The following LPIN2 variants were observed in gnomAD, a reference collection of about 807,000 sequenced individuals.
The protein encoded by LPIN2 is phosphatidate phosphatase LPIN2.
LPIN2 carries 55 observed loss-of-function variants against 111.4 expected under a neutral mutation model. The observed-to-expected ratio is 0.49, with a 90% CI of 0.40 to 0.62. The LOEUF (loss-of-function observed/expected upper bound fraction) is 0.62. Among genes scored for constraint, LPIN2 ranks in the 20% least tolerant of loss-of-function variants. The pLI is 0.00. For missense variants in LPIN2, 992 were observed against 1,112.1 expected (o/e 0.89, Z 1.54); for synonymous variants, 425 against 414.0 (o/e 1.03, Z -0.32).
chr18:2,951,223 A>G lies in LPIN2; in HGVS notation c.422T>C (p.Leu141Ser), dbSNP rs763550824. The G allele has an allele frequency of 1.3e-4, 207 of 1,614,076 alleles. 2 individuals carry two copies. In the South Asian group the frequency reaches 2.1e-3, roughly 16 times the overall value. Reference sequence around the variant, plus strand: ...TGGAGTAAAAATTGTCTCTGTTTCCAAGACGTGTGAGATGTCTGAACTCTG... The same window carrying G: ...TGGAGTAAAAATTGTCTCTGTTTCCGAGACGTGTGAGATGTCTGAACTCTG... Reference protein sequence around the residue: ...PSQSSDISHVLETETIFTPSS... With the variant: ...PSQSSDISHVSETETIFTPSS... The change falls in exon 4 of 20, where the codon TTG becomes TCG. Residue 141 changes from leucine to serine, a missense_variant. Coordinates refer to ENST00000677752, the MANE Select transcript of LPIN2 (RefSeq NM_001375808.2).
chr18:2,931,125 G>A (rs1321328758), intron 9 of LPIN2, 131 bp downstream of exon 9: 2 of 1,087,836 alleles, frequency 1.8e-6, no homozygotes, highest in Admixed American at 4.0e-5. Context: ...TGACATTACA[G>A]AACATACCTG....
At chr18:2,962,744 A>C (rs2077732430) in intron 1 of LPIN2, among the ~76,000 whole-genome samples, 1 of 152,204 alleles carries the variant, frequency 6.6e-6, no homozygotes, top group Non-Finnish European at 1.5e-5. Context: ...CACATGAATT[A>C]AACAGCATCC....
At chr18:2,938,631 G>A (rs1359666175) in intron 6 of LPIN2, among the ~76,000 whole-genome samples, 1 of 152,178 alleles carries the variant, frequency 6.6e-6, no homozygotes, top group East Asian at 1.9e-4. Flanking sequence ...CATTTTGGGG[G>A]AGAAAACTAA....
chr18:2,933,999 T>C (rs555642440), intron 8 of LPIN2, among the ~76,000 whole-genome samples: 1 of 152,332 alleles, frequency 6.6e-6, no homozygotes, highest in East Asian at 1.9e-4. Context: ...TAAAGATGTG[T>C]TTCTTTTAAA....
chr18:2,919,936 T>C lies in LPIN2; in HGVS notation c.*357A>G. 2.8e-6 allele frequency: 1 copy of C among 359,192 alleles called. No homozygotes were observed. The highest frequency in any genetic ancestry group is 5.4e-6 in the Non-Finnish European group (1 of 184,982). 22.3% of individuals were successfully genotyped at this position (359,192 alleles called of 1,614,324 possible). On this transcript the variant is annotated 3_prime_UTR_variant, in exon 20 of 20. Coordinates refer to ENST00000677752, the MANE Select transcript of LPIN2 (RefSeq NM_001375808.2). ...AACTGCCCAGTGGAAACTGGAACAC[T>C]TCACTGTGTGCAGTGTTTTGGTCCA...
rs1396688938 is a variant in LPIN2, at chr18:2,984,839, A to G, written c.-9-23990T>C. Among the ~76,000 whole-genome samples, 9 of 152,222 alleles carry G rather than the reference A, an allele frequency of 5.9e-5. No homozygotes were observed. In the East Asian group the frequency reaches 9.7e-4, roughly 16 times the overall value. ...TTCTGGTTCAGTGCTTTTTTGTGTTATGCCAAGCAGAGACCAAGAAAGAAC... is the reference window on the plus strand; with the variant it reads ...TTCTGGTTCAGTGCTTTTTTGTGTTGTGCCAAGCAGAGACCAAGAAAGAAC... On this transcript the variant is annotated intron_variant, in intron 1 of 19. Transcript: ENST00000677752.
In LPIN2 at chr18:2,925,205, C is replaced by T. The variant is rs763877901; in HGVS notation, c.1938+19G>A. On this transcript the variant is annotated intron_variant, in intron 14 of 19. Transcript: ENST00000677752. This position sits in a 1 kb window ranked among gnomAD's most constrained non-coding sequence, Gnocchi z 4.1. Reference sequence around the variant, plus strand: ...CTAAAATAAGTCCTACTGGACAACACAGATCATGCAAGACTCACGATCTGG... The same window carrying T: ...CTAAAATAAGTCCTACTGGACAACATAGATCATGCAAGACTCACGATCTGG... 4 of 1,614,154 alleles carry T rather than the reference C, an allele frequency of 2.5e-6. No individual in the cohort carries two copies. Among genetic ancestry groups the T allele is most frequent in the East Asian group, 2.2e-5 (1 of 44,880 alleles).
intron 17 of LPIN2, 85 bp downstream of exon 17, chr18:2,921,962 C>T (rs2077060538): frequency 2.7e-6 from 4 of 1,500,942 alleles, no homozygotes; most frequent in South Asian, 1.3e-5. Flanking sequence ...CATCTGACTT[C>T]TGTTCCCACA....
At chr18:2,938,096 T>C in intron 6 of LPIN2, 59 bp from the exon 7 acceptor site, 1 of 1,306,224 alleles carries the variant, frequency 7.7e-7, no homozygotes. Flanking sequence ...TTATAATCTA[T>C]TTCCTAAGCT....
intron 1 of LPIN2, among the ~76,000 whole-genome samples, chr18:2,989,654 C>T (rs1324578957): frequency 1.3e-5 from 2 of 152,124 alleles, no homozygotes; most frequent in Admixed American, 6.5e-5. Context: ...GGTGCAGTAG[C>T]TGACGCCTGT....
intron 4 of LPIN2, among the ~76,000 whole-genome samples, chr18:2,942,516 T>G (rs2077379799): frequency 6.6e-6 from 1 of 152,192 alleles, no homozygotes; most frequent in South Asian, 2.1e-4. Flanking sequence ...TGGGACATAT[T>G]TCACTGCAGT....
chr18:2,939,346 T>A (rs1158177959), intron 6 of LPIN2, 134 bp downstream of exon 6: 8 of 1,060,364 alleles, frequency 7.5e-6, no homozygotes, highest in Non-Finnish European at 1.1e-5. Flanking sequence ...TGAATTTACT[T>A]TTATGACATG....
At chr18:2,922,288 C>CA (rs2077067483) in intron 16 of LPIN2, 89 bp from the exon 17 acceptor site, 5 of 1,311,224 alleles carry the variant, frequency 3.8e-6, no homozygotes, top group Admixed American at 2.3e-5. Flanking sequence ...ACTTTTCTTT[C>CA]TTTTTTTTTT....
Position 2,925,711 on chromosome 18 carries a change from T to C in LPIN2, c.1794-343A>G, listed in dbSNP as rs2077121354. Among the ~76,000 whole-genome samples, 1 of 152,196 alleles carries C rather than the reference T, an allele frequency of 6.6e-6. No individual in the cohort carries two copies. The highest frequency in any genetic ancestry group is 1.9e-4 in the East Asian group (1 of 5,200). On this transcript the variant is annotated intron_variant, in intron 13 of 19. Coordinates refer to ENST00000677752, the MANE Select transcript of LPIN2 (RefSeq NM_001375808.2). The surrounding 1 kb of genome is among the most constrained non-coding windows in gnomAD (Gnocchi z 4.1). ...AAGAAAACATAATCGCTTACAATGA[T>C]TTAACAAACTCCGGCTGGGTGCGGT...
rs2077123904 is a variant in LPIN2, at chr18:2,925,891, A to G, written c.1794-523T>C. 6.6e-6 allele frequency among the ~76,000 whole-genome samples: 1 copy of G among 152,096 alleles called. No individual in the cohort carries two copies. The highest frequency in any genetic ancestry group is 1.5e-5 in the Non-Finnish European group (1 of 68,014). On this transcript the variant is annotated intron_variant, in intron 13 of 19. Coordinates refer to ENST00000677752, the MANE Select transcript of LPIN2 (RefSeq NM_001375808.2). This position sits in a 1 kb window ranked among gnomAD's most constrained non-coding sequence, Gnocchi z 4.1. Reference sequence around the variant, plus strand: ...GGTAGTGACACTTGTCTGTGGTCCTAACTACTTGGGAGGCTGAGGCAGGAG... The same window carrying G: ...GGTAGTGACACTTGTCTGTGGTCCTGACTACTTGGGAGGCTGAGGCAGGAG...
chr18:2,984,698 C>T (rs1207578962), intron 1 of LPIN2, among the ~76,000 whole-genome samples: 1 of 152,042 alleles, frequency 6.6e-6, no homozygotes, highest in Non-Finnish European at 1.5e-5. Context: ...AGAAGAAAGA[C>T]AAAAACCATA....
At chr18:2,943,892 T>C (rs2077404300) in intron 4 of LPIN2, among the ~76,000 whole-genome samples, 1 of 152,222 alleles carries the variant, frequency 6.6e-6, no homozygotes, top group Admixed American at 6.5e-5. Flanking sequence ...TTGCTAATGG[T>C]AGTAGAATGA....
chr18:2,934,961 G>A (rs577785581), intron 7 of LPIN2, among the ~76,000 whole-genome samples: 3 of 152,108 alleles, frequency 2.0e-5, no homozygotes, highest in Non-Finnish European at 2.9e-5. Flanking sequence ...CAATAATCAC[G>A]TTCAGCATTA....
chr18:2,975,151 T>C (rs2077990390), intron 1 of LPIN2, among the ~76,000 whole-genome samples: 1 of 152,216 alleles, frequency 6.6e-6, no homozygotes, highest in Admixed American at 6.5e-5. Flanking sequence ...GTCTAGCAGT[T>C]ACCCAGAGAC....
Sources: gnomAD v4.1 joint callset for allele counts (sites outside exome capture counted in the v4.1 genomes callset) on GRCh38, gnomAD v4.1.1 for gene constraint, Gnocchi (gnomAD v3.1) non-coding constraint, MANE v1.5 for transcripts, NCBI Gene and HGNC (gene_info 2026-07-23, HGNC 2026-07-21) for gene names.